AHCY: variants seen among roughly 807,000 people sequenced by gnomAD.
The protein encoded by AHCY is adenosylhomocysteinase.
Under a neutral mutation model 45.4 loss-of-function variants are expected in AHCY, and 24 were observed. That is an observed-to-expected ratio of 0.53 (90% CI 0.38 to 0.74). AHCY has a LOEUF of 0.74. AHCY is among the 30% of genes least tolerant of loss of function. AHCY has a pLI of 0.00. For synonymous variants in AHCY, 245 were observed against 235.1 expected (o/e 1.04, Z -0.39); for missense variants, 449 against 594.1 (o/e 0.76, Z 2.54).
Position 34,294,171 on chromosome 20 carries a change from A to G in AHCY, c.220-15T>C. On this transcript the variant is annotated splice_polypyrimidine_tract_variant and intron_variant, in intron 2 of 9. Transcript: ENST00000217426. ...GACCACTGCACCTAGAAGAGCCATC[A>G]AAACAAGGCTGTTGGTCACTGATGG... 1 of 1,612,206 alleles carries G rather than the reference A, an allele frequency of 6.2e-7. No homozygotes were observed. The highest frequency in any genetic ancestry group is 1.3e-5 in the African/African-American group (1 of 75,022).
the AHCY span, among the ~76,000 whole-genome samples, chr20:34,263,673 T>G: frequency 6.6e-6 from 1 of 151,622 alleles, no homozygotes; most frequent in Non-Finnish European, 1.5e-5. Context: ...TTTTTTTTTT[T>G]TCTTTTTTTT....
downstream of AHCY, among the ~76,000 whole-genome samples, chr20:34,279,711 G>A (rs1180242005): frequency 1.3e-5 from 2 of 152,206 alleles, no homozygotes; most frequent in Non-Finnish European, 2.9e-5. Flanking sequence ...AAGCCAGAGT[G>A]AGCAGTTTTC....
chr20:34,305,080 C>A (rs1428854436), upstream of AHCY, among the ~76,000 whole-genome samples: 1 of 150,630 alleles, frequency 6.6e-6, no homozygotes, highest in East Asian at 2.0e-4. Context: ...CATTGGGAGG[C>A]CGAGGCGGGC....
the AHCY span, among the ~76,000 whole-genome samples, chr20:34,263,114 A>C: frequency 6.6e-6 from 1 of 152,210 alleles, no homozygotes; most frequent in Non-Finnish European, 1.5e-5. Context: ...AGGTTACGAA[A>C]AGCAGCTTCC....
rs2035994056 is a variant in AHCY at position 34,281,269 on chromosome 20, C to T, written c.1168-104G>A. On this transcript the variant is annotated intron_variant, in intron 9 of 9. Coordinates refer to ENST00000217426, the MANE Select transcript of AHCY (RefSeq NM_000687.4). ...AGAAGTGTTCTGTTAGGGTTTCTGC[C>T]ATGTGTGGTACTCATGTTAACTCTT... The T allele has an allele frequency of 7.2e-6, 11 of 1,535,594 alleles. 1 individual carries two copies. The Admixed American group carries it at 1.7e-4, about 24-fold the overall frequency.
the AHCY span, among the ~76,000 whole-genome samples, chr20:34,263,286 C>T: frequency 3.3e-5 from 5 of 152,184 alleles, no homozygotes; most frequent in South Asian, 2.1e-4. Context: ...AATCTTAGGC[C>T]GGATGCGGTG....
At chr20:34,232,322 T>C in the AHCY span, among the ~76,000 whole-genome samples, 1 of 152,214 alleles carries the variant, frequency 6.6e-6, no homozygotes, top group Non-Finnish European at 1.5e-5. Flanking sequence ...AAGAGACTCA[T>C]GGCAGAATGT....
chr20:34,301,964 G>A, intron 1 of AHCY: 4 of 985,130 alleles, frequency 4.1e-6, no homozygotes, highest in Non-Finnish European at 4.8e-6. Context: ...TTCCATAAAT[G>A]TGGATGGCAT....
At chr20:34,279,152 C>T (rs565883699), downstream of AHCY, among the ~76,000 whole-genome samples, 202 of 147,888 alleles carry the variant, frequency 1.4e-3, no homozygotes, top group Non-Finnish European at 2.3e-3. Context: ...CGGTGGCTCA[C>T]GCTTCTAATC....
At chr20:34,307,937 C>A (rs1422608138), upstream of AHCY, among the ~76,000 whole-genome samples, 48 of 151,764 alleles carry the variant, frequency 3.2e-4, no homozygotes, top group Admixed American at 3.0e-3. Context: ...TTTTTCTAAA[C>A]CTCTCCCTTT....
At chr20:34,296,917 C>G (rs566866547) in intron 1 of AHCY, among the ~76,000 whole-genome samples, 1 of 152,254 alleles carries the variant, frequency 6.6e-6, no homozygotes, top group South Asian at 2.1e-4. Flanking sequence ...ATGAAACACG[C>G]CTCCCGCATG....
downstream of AHCY, among the ~76,000 whole-genome samples, chr20:34,277,163 T>TA (rs2035915795): frequency 6.6e-6 from 1 of 152,114 alleles, no homozygotes; most frequent in African/African-American, 2.4e-5. Flanking sequence ...CCAGCACCTC[T>TA]AGCCTAGGAG....
chr20:34,284,994 G>A (rs957027190), intron 9 of AHCY, among the ~76,000 whole-genome samples: 8 of 152,158 alleles, frequency 5.3e-5, no homozygotes, highest in African/African-American at 1.9e-4. Context: ...TCCAGTCCTT[G>A]TTCAGCTGGC....
chr20:34,261,460 C>A, the AHCY span, among the ~76,000 whole-genome samples: 1 of 152,192 alleles, frequency 6.6e-6, no homozygotes, highest in Admixed American at 6.5e-5. Context: ...AGGGTGAAAC[C>A]CCGTCCCTAT....
chr20:34,301,682 A>G (rs923530707), intron 1 of AHCY: 2 of 508,308 alleles, frequency 3.9e-6, no homozygotes, highest in South Asian at 8.5e-5. Context: ...AATGGCCCCA[A>G]TCCTGACCCA....
chr20:34,300,704 G>A (rs2036740561), intron 1 of AHCY, among the ~76,000 whole-genome samples: 1 of 152,240 alleles, frequency 6.6e-6, no homozygotes, highest in Middle Eastern at 3.2e-3. Flanking sequence ...CAGTCCCAGT[G>A]AAGTGGGGAA....
At chr20:34,272,307 C>T in the AHCY span, among the ~76,000 whole-genome samples, 15 of 152,220 alleles carry the variant, frequency 9.9e-5, no homozygotes, top group African/African-American at 3.6e-4. Context: ...CATCAACACA[C>T]AACAGACTTG....
At chr20:34,255,494 C>T in the AHCY span, among the ~76,000 whole-genome samples, 16 of 151,864 alleles carry the variant, frequency 1.1e-4, no homozygotes, top group African/African-American at 2.7e-4. Context: ...GGCAAGAGAC[C>T]GAGGGCACAA....
chr20:34,272,718 C>T, the AHCY span, among the ~76,000 whole-genome samples: 1 of 152,086 alleles, frequency 6.6e-6, no homozygotes, highest in Admixed American at 6.6e-5. Flanking sequence ...GAGACCCCAT[C>T]TCTATAAATA....
Sources: gnomAD v4.1 joint callset for allele counts (sites outside exome capture counted in the v4.1 genomes callset) on GRCh38, gnomAD v4.1.1 for gene constraint, MANE v1.5 for transcripts, NCBI Gene and HGNC (gene_info 2026-07-23, HGNC 2026-07-21) for gene names.